Variants in DGKG observed in about 807,000 individuals in gnomAD.
DGKG encodes the protein DAG kinase gamma.
A neutral mutation model predicts 105.3 loss-of-function variants in DGKG; 78 were observed. The ratio of observed to expected loss-of-function variants is 0.74; its 90% confidence interval spans 0.62 to 0.89. The LOEUF is 0.89. Among genes scored for constraint, DGKG ranks in the 40% least tolerant of loss-of-function variants. The pLI, the probability that DGKG is intolerant of heterozygous loss-of-function variation, is 0.00. For missense variants in DGKG, 958 were observed against 1,020.1 expected (o/e 0.94, Z 0.83); for synonymous variants, 346 against 367.1 (o/e 0.94, Z 0.66).
intron 5 of DGKG, among the ~76,000 whole-genome samples, chr3:186,293,372 T>A (rs1284318463): frequency 6.6e-6 from 1 of 152,212 alleles, no homozygotes; most frequent in Non-Finnish European, 1.5e-5. Flanking sequence ...TGTATTACTT[T>A]TATAATTTGG....
chr3:186,191,667 A>C (rs2284843), intron 21 of DGKG, among the ~76,000 whole-genome samples: 1 of 151,994 alleles, frequency 6.6e-6, no homozygotes, highest in East Asian at 1.9e-4. Flanking sequence ...GTTCTTTTTC[A>C]CTTCAAACGT....
chr3:186,279,739 G>A, intron 9 of DGKG, 112 bp downstream of exon 9: 1 of 1,280,410 alleles, frequency 7.8e-7, no homozygotes, highest in Non-Finnish European at 1.1e-6. Flanking sequence ...GCTGGTCATG[G>A]CACGTCTGTT....
intron 19 of DGKG, among the ~76,000 whole-genome samples, chr3:186,250,655 T>C (rs1721173061): frequency 6.9e-6 from 1 of 145,358 alleles, no homozygotes; most frequent in South Asian, 2.2e-4. Flanking sequence ...GTTCAAGCAA[T>C]TCTCCTGCCT....
chr3:186,280,772 C>G, intron 7 of DGKG, 28 bp from the exon 8 acceptor site: 1 of 1,584,558 alleles, frequency 6.3e-7, no homozygotes, highest in Non-Finnish European at 8.7e-7. Flanking sequence ...GAGAAAATAT[C>G]AAAAGGAGAC....
intron 1 of DGKG, among the ~76,000 whole-genome samples, chr3:186,345,360 G>GTTA (rs1726279650): frequency 6.6e-6 from 1 of 152,116 alleles, no homozygotes; most frequent in African/African-American, 2.4e-5. Context: ...AAAAATGAGT[G>GTTA]ATTTAGCTTA....
intron 2 of DGKG, among the ~76,000 whole-genome samples, chr3:186,315,836 T>C (rs547875735): frequency 1.1e-4 from 16 of 152,334 alleles, no homozygotes; most frequent in African/African-American, 3.1e-4. Flanking sequence ...AGTCCGTTCC[T>C]CTACTTCACT....
At chr3:186,336,837 A>G (rs1039641481) in intron 1 of DGKG, among the ~76,000 whole-genome samples, 6 of 152,204 alleles carry the variant, frequency 3.9e-5, no homozygotes, top group Non-Finnish European at 8.8e-5. Flanking sequence ...AAGAGATTTT[A>G]TTAAATTATG....
chr3:186,193,351 G>T (rs749800916), intron 21 of DGKG, among the ~76,000 whole-genome samples: 7 of 152,220 alleles, frequency 4.6e-5, no homozygotes, highest in Non-Finnish European at 8.8e-5. Context: ...GAGGATAGGG[G>T]AATAACATCT....
chr3:186,221,361 A>AG (rs1337952817), intron 20 of DGKG, among the ~76,000 whole-genome samples: 7 of 129,816 alleles, frequency 5.4e-5, no homozygotes, highest in Non-Finnish European at 3.8e-5. Context: ...AGAAAGAAAG[A>AG]AAAAACCCTC....
At chr3:186,271,019 C>A (rs1036360575) in intron 11 of DGKG, among the ~76,000 whole-genome samples, 1 of 152,156 alleles carries the variant, frequency 6.6e-6, no homozygotes, top group Non-Finnish European at 1.5e-5. Flanking sequence ...AAGGCGTGGA[C>A]GAGAGACCAT....
chr3:186,268,667 G>A, intron 12 of DGKG, 134 bp downstream of exon 12: 1 of 641,448 alleles, frequency 1.6e-6, no homozygotes, highest in Non-Finnish European at 2.8e-6. Flanking sequence ...CATTGAATAG[G>A]CGCTGTGGGG....
intron 1 of DGKG, among the ~76,000 whole-genome samples, chr3:186,359,569 T>C (rs902296923): frequency 6.6e-6 from 1 of 152,228 alleles, no homozygotes; most frequent in African/African-American, 2.4e-5. Flanking sequence ...CCTGAAGTCT[T>C]AGAACCCTAG....
At chr3:186,302,423 T>G (rs1300461466) in intron 3 of DGKG, among the ~76,000 whole-genome samples, 1 of 146,188 alleles carries the variant, frequency 6.8e-6, no homozygotes, top group African/African-American at 2.5e-5. Flanking sequence ...CACAATTTGC[T>G]GAAGAAGACA....
At chr3:186,330,484 T>G (rs1310398923) in intron 1 of DGKG, among the ~76,000 whole-genome samples, 1 of 152,164 alleles carries the variant, frequency 6.6e-6, no homozygotes, top group African/African-American at 2.4e-5. Context: ...GCATTAGAAG[T>G]GGTGCTGTGC....
At chr3:186,326,107 G>A (rs965323400) in intron 1 of DGKG, among the ~76,000 whole-genome samples, 1 of 152,114 alleles carries the variant, frequency 6.6e-6, no homozygotes, top group Admixed American at 6.6e-5. Context: ...AAATAGATGC[G>A]TGTGCTGGGC....
chr3:186,346,221 A>G (rs759099993), intron 1 of DGKG, among the ~76,000 whole-genome samples: 4 of 152,232 alleles, frequency 2.6e-5, no homozygotes, highest in Non-Finnish European at 4.4e-5. Flanking sequence ...GCAGCTAGTG[A>G]ATTTTAATTC....
Position 186,251,760 on chromosome 3 carries a change from A to G in DGKG, c.1760T>C (p.Val587Ala), listed in dbSNP as rs201457729. Residue 587 changes from valine (V) to alanine (A), a missense_variant and splice_region_variant, in exon 19 of 25, where the codon GTG (valine) becomes GCG (alanine). By Grantham distance (64) the Val-to-Ala change is moderately conservative. Coordinates refer to ENST00000265022, the MANE Select transcript of DGKG (RefSeq NM_001346.3). ...AAAGGTGATCTTTGACCAACTCACC[A>G]CACCAATGGAGAAATAGTTGTTCAT... ...SIMNNYFSIG[V>A]DASIAHRFHV... 13 of 1,614,010 alleles carry G rather than the reference A, an allele frequency of 8.1e-6. No homozygotes were observed. Among genetic ancestry groups the G allele is most frequent in the Non-Finnish European group, 1.1e-5 (13 of 1,179,996 alleles).
At chr3:186,285,260 G>A (rs561055235) in intron 6 of DGKG, among the ~76,000 whole-genome samples, 2 of 152,274 alleles carry the variant, frequency 1.3e-5, no homozygotes, top group African/African-American at 4.8e-5. Context: ...ACTGGGCTTA[G>A]AACATAGAAA....
chr3:186,176,404 A>G (rs1225863232), intron 22 of DGKG, among the ~76,000 whole-genome samples: 2 of 152,234 alleles, frequency 1.3e-5, no homozygotes, highest in Non-Finnish European at 2.9e-5. Flanking sequence ...CCTACTATTG[A>G]GAGATCATCT....
Sources: allele counts gnomAD v4.1 joint callset (sites outside exome capture counted in the v4.1 genomes callset), GRCh38; gene constraint gnomAD v4.1.1; transcripts MANE v1.5; gene names NCBI Gene and HGNC (gene_info 2026-07-23, HGNC 2026-07-21).